The following NACC1 variants were observed in gnomAD, a reference collection of about 807,000 sequenced individuals.
The protein encoded by NACC1 is nucleus accumbens associated 1.
A neutral mutation model predicts 41.7 loss-of-function variants in NACC1; 6 were observed. The observed-to-expected ratio is 0.14, with a 90% CI of 0.08 to 0.28. The LOEUF is 0.28. NACC1 is among the 10% of genes least tolerant of loss of function. NACC1 has a pLI of 1.00. For missense variants in NACC1, 434 were observed against 763.7 expected (o/e 0.57, Z 5.09); for synonymous variants, 338 against 330.6 (o/e 1.02, Z -0.24).
Position 13,140,170 on chromosome 19 carries a change from C to T in NACC1, c.*1764C>T, listed in dbSNP as rs573149503. The T allele has an allele frequency of 8.7e-4, 133 of 152,734 alleles. No homozygotes were observed. Among genetic ancestry groups the T allele is most frequent in the Non-Finnish European group, 1.7e-3 (118 of 68,068 alleles). 9.5% of individuals were successfully genotyped at this position (152,734 alleles called of 1,614,324 possible). A position where few individuals can be genotyped will look rare whatever the true frequency, so the allele number is the denominator to read the frequency against. Reference sequence around the variant, plus strand: ...GGGGTCTTGGCACTGTCTTCCTGGCCGGGGCCTGAAACCTTAGCCCCCAGC... The same window carrying T: ...GGGGTCTTGGCACTGTCTTCCTGGCTGGGGCCTGAAACCTTAGCCCCCAGC... On this transcript the variant is annotated 3_prime_UTR_variant, in exon 6 of 6. Transcript: ENST00000292431. This position sits in a 1 kb window ranked among gnomAD's most constrained non-coding sequence, Gnocchi z 4.0.
chr19:13,130,195 G>A (rs1312611155), intron 1 of NACC1, among the ~76,000 whole-genome samples: 1 of 152,066 alleles, frequency 6.6e-6, no homozygotes, highest in East Asian at 1.9e-4. Flanking sequence ...TCCCACCTGA[G>A]CCTCCCAAGT....
At chr19:13,122,666 T>A (rs975052819) in intron 1 of NACC1, among the ~76,000 whole-genome samples, 1 of 152,056 alleles carries the variant, frequency 6.6e-6, no homozygotes, top group African/African-American at 2.4e-5. Context: ...CTCCACTGTC[T>A]GGTTATCATG....
rs2145624851 is a variant in NACC1 at position 13,136,630 on chromosome 19, G to A, written c.1120+225G>A. 6.6e-6 allele frequency among the ~76,000 whole-genome samples: 1 copy of A among 152,290 alleles called. No individual in the cohort carries two copies. Among genetic ancestry groups the A allele is most frequent in the Middle Eastern group, 3.4e-3 (1 of 294 alleles). ...GGCTTAAGGGGTCGGGGCGAGCATT[G>A]GCTATTATTGTTTGGCCGCATGGGT... On this transcript the variant is annotated intron_variant, in intron 3 of 5. Transcript: ENST00000292431. This position sits in a 1 kb window ranked among gnomAD's most constrained non-coding sequence, Gnocchi z 5.5.
chr19:13,138,626 AACAC>A lies in NACC1; in HGVS notation c.*225_*228del. Reference sequence around the variant, plus strand: ...GCGTGAGGTCCGTGTTGCCTTCTTTAACACACACTCGTGCAGTGGGGGAGTTCTG... The same window carrying A: ...GCGTGAGGTCCGTGTTGCCTTCTTTAACACTCGTGCAGTGGGGGAGTTCTG... On this transcript the variant is annotated 3_prime_UTR_variant, in exon 6 of 6. Coordinates refer to ENST00000292431, the MANE Select transcript of NACC1 (RefSeq NM_052876.4). This position sits in a 1 kb window ranked among gnomAD's most constrained non-coding sequence, Gnocchi z 5.7. The A allele has an allele frequency of 1.6e-6, 1 of 634,178 alleles. No individual in the cohort carries two copies. The highest frequency in any genetic ancestry group is 2.7e-6 in the Non-Finnish European group (1 of 371,552). The allele number at this position is 634,178 out of a possible 1,614,324, so 39.3% of individuals were successfully genotyped here. A position where few individuals can be genotyped will look rare whatever the true frequency, so the allele number is the denominator to read the frequency against.
chr19:13,121,196 G>T (rs2019486997), intron 1 of NACC1, among the ~76,000 whole-genome samples: 1 of 152,208 alleles, frequency 6.6e-6, no homozygotes, highest in Non-Finnish European at 1.5e-5. Flanking sequence ...CTAAGGGGTG[G>T]GTGGTGCTGG....
chr19:13,135,240 C>T lies in NACC1; in HGVS notation c.33C>T (p.Asn11=). 6.2e-7 allele frequency: 1 copy of T among 1,611,504 alleles called. No individual in the cohort carries two copies. The highest frequency in any genetic ancestry group is 2.2e-5 in the East Asian group (1 of 44,728). Residue 11 remains asparagine, a synonymous_variant, in exon 2 of 6, where the codon AAC becomes AAT. Coordinates refer to ENST00000292431, the MANE Select transcript of NACC1 (RefSeq NM_052876.4). ...AGACACTGCAGATGGAGATCCCGAA[C>T]TTCGGCAACAGCATCCTGGAGTGCC... MAQTLQMEIP[N]FGNSILECLN... is the part of the protein sequence containing the mutation.
chr19:13,133,133 C>G (rs2019653846), intron 1 of NACC1, among the ~76,000 whole-genome samples: 1 of 152,302 alleles, frequency 6.6e-6, no homozygotes, highest in South Asian at 2.1e-4. Flanking sequence ...GGTGTGCATT[C>G]CTGCACCAGG....
intron 1 of NACC1, among the ~76,000 whole-genome samples, chr19:13,134,217 C>T (rs2145622110): frequency 6.6e-6 from 1 of 152,098 alleles, no homozygotes; most frequent in South Asian, 2.1e-4. Flanking sequence ...CTCCACCATG[C>T]CGGGGTAATT....
chr19:13,136,430 C>G lies in NACC1; in HGVS notation c.1120+25C>G, dbSNP rs368924981. On this transcript the variant is annotated intron_variant, in intron 3 of 5. Transcript: ENST00000292431. The surrounding 1 kb of genome is among the most constrained non-coding windows in gnomAD (Gnocchi z 5.5). ...GGTGGGCCGGTCTCGCCCCAGATCTCTCCCCTCCGCAGCTTTGGAGCCGGC... is the reference window on the plus strand; with the variant it reads ...GGTGGGCCGGTCTCGCCCCAGATCTGTCCCCTCCGCAGCTTTGGAGCCGGC... 3.6e-5 allele frequency: 58 copies of G among 1,592,170 alleles called. 1 individual carries two copies. In the African/African-American group the frequency reaches 7.6e-4, roughly 21 times the overall value.
At chr19:13,127,031 T>A (rs1221442674) in intron 1 of NACC1, among the ~76,000 whole-genome samples, 3 of 151,946 alleles carry the variant, frequency 2.0e-5, no homozygotes, top group Admixed American at 1.3e-4. Context: ...GCCCAGGAGT[T>A]TGAGACCAGC....
In NACC1 at chr19:13,137,195, G is replaced by C. The variant is rs541021782; in HGVS notation, c.1121-76G>C. ...CAGCAGGGAGGGCCTGGGGTGTTCT[G>C]AGATGAGGCCTGGTATCATGGGGGC... is the stretch of plus-strand genomic sequence containing the variant. On this transcript the variant is annotated intron_variant, in intron 3 of 5. Transcript: ENST00000292431. The surrounding 1 kb of genome is among the most constrained non-coding windows in gnomAD (Gnocchi z 6.1). 1.4e-4 allele frequency: 203 copies of C among 1,432,734 alleles called. 1 individual carries two copies. In the African/African-American group the frequency reaches 2.3e-3, roughly 16 times the overall value. The allele number at this position is 1,432,734 out of a possible 1,614,324, so 88.8% of individuals were successfully genotyped here. A position where few individuals can be genotyped will look rare whatever the true frequency, so the allele number is the denominator to read the frequency against.
In NACC1 at chr19:13,137,262, T is replaced by C; in HGVS notation, c.1121-9T>C. 1 of 1,612,572 alleles carries C rather than the reference T, an allele frequency of 6.2e-7. No homozygotes were observed. Among genetic ancestry groups the C allele is most frequent in the Non-Finnish European group, 8.5e-7 (1 of 1,179,182 alleles). ...CACCCCAGGCCATCCTCCGGCTTCC[T>C]CTCACCAGGCACCAACGTGTACATC... On this transcript the variant is annotated splice_polypyrimidine_tract_variant and intron_variant, in intron 3 of 5. Transcript: ENST00000292431. This position sits in a 1 kb window ranked among gnomAD's most constrained non-coding sequence, Gnocchi z 6.1.
chr19:13,136,057 G>T lies in NACC1; in HGVS notation c.850G>T (p.Glu284Ter). Residue 284 changes from glutamate to a stop codon, truncating the protein, a stop_gained, in exon 2 of 6, where the codon GAG (glutamate) becomes TAG (stop). Transcript: ENST00000292431. LOFTEE classifies it high-confidence loss of function. The surrounding 1 kb of genome is among the most constrained non-coding windows in gnomAD (Gnocchi z 5.5). ...TGGCTCCTACCACAATGAGGAGGAC[G>T]AGGAGGAGGATGGTGGCGAGGAGGG... The part of the protein sequence containing the change: ...SPGSYHNEED[E>*]EEDGGEEGMD... 6.2e-7 allele frequency: 1 copy of T among 1,614,106 alleles called. No individual in the cohort carries two copies.
Position 13,140,427 on chromosome 19 carries a change from G to C in NACC1, c.*2021G>C, listed in dbSNP as rs913643359. 6.6e-6 allele frequency: 1 copy of C among 152,508 alleles called. No individual in the cohort carries two copies. Among genetic ancestry groups the C allele is most frequent in the African/African-American group, 2.4e-5 (1 of 41,394 alleles). The allele number at this position is 152,508 out of a possible 1,614,324, so 9.4% of individuals were successfully genotyped here. A position where few individuals can be genotyped will look rare whatever the true frequency, so the allele number is the denominator to read the frequency against. ...CCACTTCCAGGCCTTAGTTGGGGTG[G>C]GGGGGCCAGCTCCTGGGCCTGGGGT... On this transcript the variant is annotated 3_prime_UTR_variant, in exon 6 of 6. Transcript: ENST00000292431. The surrounding 1 kb of genome is among the most constrained non-coding windows in gnomAD (Gnocchi z 4.0).
At chr19:13,119,944 C>T (rs2019468261) in intron 1 of NACC1, among the ~76,000 whole-genome samples, 1 of 152,156 alleles carries the variant, frequency 6.6e-6, no homozygotes, top group South Asian at 2.1e-4. Context: ...ATCACATGAG[C>T]AGACAGTGGC....
At position 13,137,404 on chromosome 19, in the gene NACC1, G is replaced by A; in HGVS notation, c.1226+28G>A. On this transcript the variant is annotated intron_variant, in intron 4 of 5. Coordinates refer to ENST00000292431, the MANE Select transcript of NACC1 (RefSeq NM_052876.4). The surrounding 1 kb of genome is among the most constrained non-coding windows in gnomAD (Gnocchi z 6.1). The stretch of plus-strand genomic sequence containing the variant: ...AAGGCCCTTGCCAGAGCCCCAGGGA[G>A]GGGGGTGGGGTTTCCCCATGTCCCC... The A allele has an allele frequency of 6.3e-7, 1 of 1,595,112 alleles. No individual in the cohort carries two copies. Among genetic ancestry groups the A allele is most frequent in the Non-Finnish European group, 8.6e-7 (1 of 1,163,608 alleles).
Position 13,135,948 on chromosome 19 carries a change from A to G in NACC1, c.741A>G (p.Ala247=), listed in dbSNP as rs751200208. ...CAGGGCAGCCAGCCGGTGGGGTGGC[A>G]GCAGCAGGGGGTGTGGTGAGTGGGC... ...AGAGQPAGGV[A]AAGGVVSGPS... Residue 247 remains alanine, a synonymous_variant, in exon 2 of 6, where the codon GCA becomes GCG. Coordinates refer to ENST00000292431, the MANE Select transcript of NACC1 (RefSeq NM_052876.4). 4.7e-5 allele frequency: 75 copies of G among 1,597,440 alleles called. No individual in the cohort carries two copies. Among genetic ancestry groups the G allele is most frequent in the Admixed American group, 7.1e-5 (4 of 56,670 alleles).
chr19:13,126,291 T>C (rs913714013), intron 1 of NACC1, among the ~76,000 whole-genome samples: 1 of 152,122 alleles, frequency 6.6e-6, no homozygotes, highest in Non-Finnish European at 1.5e-5. Flanking sequence ...GACCTCGTGA[T>C]CCGCCCTCCT....
chr19:13,136,082 G>C lies in NACC1; in HGVS notation c.875G>C (p.Gly292Ala). The change falls in exon 2 of 6, where the codon GGC becomes GCC. Residue 292 changes from glycine to alanine, a missense_variant. By Grantham distance (60) the Gly-to-Ala change is moderately conservative. This residue lies in a region of NACC1 where 234 missense variants were observed against 308.3 expected (regional missense o/e 0.76). Coordinates refer to ENST00000292431, the MANE Select transcript of NACC1 (RefSeq NM_052876.4). The surrounding 1 kb of genome is among the most constrained non-coding windows in gnomAD (Gnocchi z 5.5). ...GAGGAGGAGGATGGTGGCGAGGAGG[G>C]CATGGATGAGCAGTACCGGCAGATC... is the stretch of plus-strand genomic sequence containing the variant. ...EDEEEDGGEE[G>A]MDEQYRQICN... 3 of 1,614,044 alleles carry C rather than the reference G, an allele frequency of 1.9e-6. No homozygotes were observed. Among genetic ancestry groups the C allele is most frequent in the Non-Finnish European group, 2.5e-6 (3 of 1,180,012 alleles).
Sources: allele counts gnomAD v4.1 joint callset (sites outside exome capture counted in the v4.1 genomes callset), GRCh38; gene constraint gnomAD v4.1.1; regional missense constraint gnomAD v4.1.1; non-coding constraint Gnocchi (gnomAD v3.1); transcripts MANE v1.5; gene names NCBI Gene and HGNC (gene_info 2026-07-23, HGNC 2026-07-21).